The following CTNNA3 variants were observed in gnomAD, a reference collection of about 807,000 sequenced individuals.
The protein encoded by CTNNA3 is catenin alpha-3.
In CTNNA3, 76 loss-of-function variants were observed where a neutral mutation model predicts 95.7. That is an observed-to-expected ratio of 0.79 (90% CI 0.66 to 0.96). CTNNA3 has a LOEUF of 0.96. Among genes scored for constraint, CTNNA3 ranks in the 40% least tolerant of loss-of-function variants. The pLI, the probability that CTNNA3 is intolerant of heterozygous loss-of-function variation, is 0.00. For missense variants in CTNNA3, 1,191 were observed against 1,089.8 expected, an observed-to-expected ratio of 1.09 and a Z score of -1.31; for synonymous variants, 431 against 374.4, an observed-to-expected ratio of 1.15 and a Z score of -1.74.
intron 7 of CTNNA3, among the ~76,000 whole-genome samples, chr10:67,166,822 T>TC (rs1427885575): frequency 6.6e-6 from 1 of 152,170 alleles, no homozygotes; most frequent in Non-Finnish European, 1.5e-5. Flanking sequence ...AGCAACAACT[T>TC]CTGGCCGGGC....
At position 66,156,848 on chromosome 10, in the gene CTNNA3, G is replaced by GA. The variant is rs144180342; in HGVS notation, c.1885-53600dup. On this transcript the variant is annotated intron_variant, in intron 13 of 17. Transcript: ENST00000433211. Reference sequence around the variant, plus strand: ...AGGCTCAATTTTAATCTAAGTGTGTGAAAGGTGCTGAGGGAGAGGGATCAT... The same window carrying GA: ...AGGCTCAATTTTAATCTAAGTGTGTGAAAAGGTGCTGAGGGAGAGGGATCAT... Among the ~76,000 whole-genome samples the GA allele has an allele frequency of 6.8e-3, 1,038 of 151,980 alleles. 8 individuals are homozygous for GA. The highest frequency in any genetic ancestry group is 0.012 in the Non-Finnish European group (824 of 67,864).
chr10:66,926,636 A>G, intron 7 of CTNNA3: 1 of 1,595,352 alleles, frequency 6.3e-7, no homozygotes, highest in Non-Finnish European at 8.6e-7. Flanking sequence ...AAAAAACAAA[A>G]AACCTCTAGT....
intron 6 of CTNNA3, among the ~76,000 whole-genome samples, chr10:67,198,886 T>C (rs1438249701): frequency 6.6e-6 from 1 of 152,218 alleles, no homozygotes; most frequent in Non-Finnish European, 1.5e-5. Context: ...TTAAAGTTTT[T>C]ACCAAAGAGC....
At chr10:67,531,474 G>A (rs774270001) in intron 4 of CTNNA3, among the ~76,000 whole-genome samples, 76 of 152,320 alleles carry the variant, frequency 5.0e-4, no homozygotes, top group Middle Eastern at 3.4e-3. Flanking sequence ...GGACTTACAT[G>A]GGGCCTGTAG....
intron 7 of CTNNA3, among the ~76,000 whole-genome samples, chr10:67,073,765 C>T (rs181443281): frequency 1.1e-3 from 174 of 152,104 alleles, no homozygotes; most frequent in African/African-American, 4.0e-3. Flanking sequence ...GAAATGAAAG[C>T]TTCCAAAATT....
chr10:66,063,173 C>G (rs1448741719), intron 15 of CTNNA3, among the ~76,000 whole-genome samples: 1 of 147,866 alleles, frequency 6.8e-6, no homozygotes, highest in South Asian at 2.1e-4. Flanking sequence ...CTGCTCCTTT[C>G]CAGCCAATGA....
intron 13 of CTNNA3, among the ~76,000 whole-genome samples, chr10:66,136,090 A>G (rs2083330505): frequency 6.6e-6 from 1 of 151,908 alleles, no homozygotes; most frequent in Non-Finnish European, 1.5e-5. Flanking sequence ...TTTAGTAGAG[A>G]CGGGGGTTTC....
chr10:66,014,466 C>T (rs1193958798), intron 15 of CTNNA3, among the ~76,000 whole-genome samples: 3 of 152,022 alleles, frequency 2.0e-5, no homozygotes, highest in Non-Finnish European at 4.4e-5. Context: ...TCTTAAATAA[C>T]GATTATAGAT....
At chr10:67,577,470 G>A (rs907500435) in intron 3 of CTNNA3, among the ~76,000 whole-genome samples, 2 of 151,984 alleles carry the variant, frequency 1.3e-5, no homozygotes, top group African/African-American at 4.8e-5. Flanking sequence ...CTCCCATTTT[G>A]TAGGTTGCCT....
intron 10 of CTNNA3, among the ~76,000 whole-genome samples, chr10:66,535,000 A>G (rs554751502): frequency 6.6e-6 from 1 of 152,242 alleles, no homozygotes; most frequent in East Asian, 1.9e-4. Flanking sequence ...GCTAATGTTT[A>G]TTTCATTCTC....
At chr10:67,511,148 T>A (rs533668227) in intron 5 of CTNNA3, among the ~76,000 whole-genome samples, 1 of 152,192 alleles carries the variant, frequency 6.6e-6, no homozygotes, top group Admixed American at 6.5e-5. Context: ...CAGGGAAAAT[T>A]TGACTTCCTC....
intron 11 of CTNNA3, among the ~76,000 whole-genome samples, chr10:66,498,446 A>T (rs544882366): frequency 6.6e-6 from 1 of 152,224 alleles, no homozygotes; most frequent in East Asian, 1.9e-4. Context: ...CATACAACTT[A>T]TCCAATGGCA....
intron 1 of CTNNA3, among the ~76,000 whole-genome samples, chr10:67,671,422 A>G (rs1840430117): frequency 6.6e-6 from 1 of 151,840 alleles, no homozygotes; most frequent in Non-Finnish European, 1.5e-5. Context: ...GGTTTGTTAC[A>G]TGTCTATACA....
At chr10:67,318,536 T>C (rs915043164) in intron 5 of CTNNA3, among the ~76,000 whole-genome samples, 2 of 152,204 alleles carry the variant, frequency 1.3e-5, no homozygotes, top group African/African-American at 2.4e-5. Flanking sequence ...CAAGGTCCCA[T>C]ATGGTATAGC....
intron 7 of CTNNA3, among the ~76,000 whole-genome samples, chr10:66,798,518 T>C (rs1841301875): frequency 6.6e-6 from 1 of 151,694 alleles, no homozygotes; most frequent in Non-Finnish European, 1.5e-5. Context: ...CCAATGCCAC[T>C]ATTTTAGTTA....
intron 3 of CTNNA3, among the ~76,000 whole-genome samples, chr10:67,579,855 T>C (rs539569618): frequency 1.1e-3 from 167 of 152,344 alleles, no homozygotes; most frequent in African/African-American, 3.6e-3. Flanking sequence ...ATGTCTTCTT[T>C]TGAGAAGTGT....
At chr10:67,540,562 T>C (rs1395222274) in intron 3 of CTNNA3, among the ~76,000 whole-genome samples, 1 of 152,028 alleles carries the variant, frequency 6.6e-6, no homozygotes, top group Non-Finnish European at 1.5e-5. Flanking sequence ...GTATGATTTA[T>C]GTGTATAAGC....
At chr10:66,007,575 T>C (rs2078912657) in intron 15 of CTNNA3, among the ~76,000 whole-genome samples, 1 of 152,164 alleles carries the variant, frequency 6.6e-6, no homozygotes. Flanking sequence ...CTTAAAAAAA[T>C]TTGTGCCTCA....
chr10:67,092,769 G>A lies in CTNNA3; in HGVS notation c.1047+87548C>T, dbSNP rs1231030808. ...TATGTGAAAGGTACATAGCATTGAT[G>A]TTGATACGAGACAGTGATATGAGAC... is the stretch of plus-strand genomic sequence containing the variant. On this transcript the variant is annotated intron_variant, in intron 7 of 17. Coordinates refer to ENST00000433211, the MANE Select transcript of CTNNA3 (RefSeq NM_013266.4). Among the ~76,000 whole-genome samples the A allele has an allele frequency of 2.0e-5, 3 of 152,070 alleles. No homozygotes were observed. The East Asian group carries it at 5.8e-4, about 30-fold the overall frequency.
Sources: gnomAD v4.1 joint callset for allele counts (sites outside exome capture counted in the v4.1 genomes callset) on GRCh38, gnomAD v4.1.1 for gene constraint, MANE v1.5 for transcripts, NCBI Gene and HGNC (gene_info 2026-07-23, HGNC 2026-07-21) for gene names.